Variants in SPSB4 observed in about 807,000 individuals in gnomAD.
The protein encoded by SPSB4 is SPRY domain-containing SOCS box protein 4.
A neutral mutation model predicts 20.9 loss-of-function variants in SPSB4; 21 were observed. The observed-to-expected ratio is 1.01, with a 90% CI of 0.71 to 1.45. SPSB4 has a LOEUF of 1.45. Ranked by LOEUF, SPSB4 falls within the 40% of genes most tolerant of loss-of-function variation. The pLI is 0.00. For synonymous variants in SPSB4, 207 were observed against 183.8 expected (o/e 1.13, Z -1.02); for missense variants, 399 against 399.2 (o/e 1.00, Z 0.00).
chr3:141,056,951 T>C (rs1937656947), intron 1 of SPSB4, among the ~76,000 whole-genome samples: 1 of 152,242 alleles, frequency 6.6e-6, no homozygotes, highest in Non-Finnish European at 1.5e-5. Flanking sequence ...GCTGCTCTCC[T>C]TGCTGGCTGA....
intron 2 of SPSB4, among the ~76,000 whole-genome samples, chr3:141,123,011 C>G (rs1938993695): frequency 1.3e-5 from 2 of 152,176 alleles, no homozygotes; most frequent in African/African-American, 4.8e-5. Context: ...CAGAAATCAC[C>G]CATCTTCTGC....
intron 2 of SPSB4, among the ~76,000 whole-genome samples, chr3:141,110,270 T>C (rs1938774810): frequency 6.6e-6 from 1 of 152,236 alleles, no homozygotes; most frequent in African/African-American, 2.4e-5. Context: ...CAGGTTTTTG[T>C]GGATACTCCA....
At chr3:141,113,475 G>A (rs1299207645) in intron 2 of SPSB4, among the ~76,000 whole-genome samples, 3 of 152,132 alleles carry the variant, frequency 2.0e-5, no homozygotes, top group Admixed American at 6.5e-5. Flanking sequence ...AATGACATTC[G>A]GATACATGCT....
rs565730325 is a variant in SPSB4 at position 141,143,357 on chromosome 3, G to A, written c.695-3785G>A. Reference sequence around the variant, plus strand: ...GCTTCCCCTAGGGACGGGGCTACCTGAGAGCTGGACTGCAAAGATTGGTAT... The same window carrying A: ...GCTTCCCCTAGGGACGGGGCTACCTAAGAGCTGGACTGCAAAGATTGGTAT... On this transcript the variant is annotated intron_variant, in intron 2 of 2. Coordinates refer to ENST00000310546, the MANE Select transcript of SPSB4 (RefSeq NM_080862.3). Among the ~76,000 whole-genome samples, 7 of 152,230 alleles carry A rather than the reference G, an allele frequency of 4.6e-5. No individual in the cohort carries two copies. In the South Asian group the frequency reaches 6.2e-4, roughly 13 times the overall value.
chr3:141,140,366 G>A lies in SPSB4; in HGVS notation c.695-6776G>A, dbSNP rs536580804. Among the ~76,000 whole-genome samples, 43 of 152,256 alleles carry A rather than the reference G, an allele frequency of 2.8e-4. No individual in the cohort carries two copies. The South Asian group carries it at 3.5e-3, about 12-fold the overall frequency. On this transcript the variant is annotated intron_variant, in intron 2 of 2. Coordinates refer to ENST00000310546, the MANE Select transcript of SPSB4 (RefSeq NM_080862.3). ...GTCATTCTCCATCCAGCTTTGTTCC[G>A]TTGCTGGTGAGGAGCTGCGTTCCTT...
chr3:141,126,394 G>A (rs1183490574), intron 2 of SPSB4, among the ~76,000 whole-genome samples: 1 of 152,110 alleles, frequency 6.6e-6, no homozygotes, highest in Admixed American at 6.5e-5. Flanking sequence ...GAGAGAAGAC[G>A]GAGCAGCCTG....
intron 2 of SPSB4, among the ~76,000 whole-genome samples, chr3:141,133,061 T>C (rs1184518527): frequency 1.3e-5 from 2 of 152,112 alleles, no homozygotes; most frequent in African/African-American, 4.8e-5. Context: ...TAATTAGTGA[T>C]GTTGAGCATT....
intron 2 of SPSB4, chr3:141,115,186 G>A (rs565533662): frequency 1.3e-5 from 2 of 152,310 alleles, no homozygotes; most frequent in Middle Eastern, 3.4e-3. Flanking sequence ...AGTTGGTTGA[G>A]GTATGGAAGA....
At position 141,147,057 on chromosome 3, in the gene SPSB4, C is replaced by T; in HGVS notation, c.695-85C>T. On this transcript the variant is annotated intron_variant, in intron 2 of 2. Transcript: ENST00000310546. ...CTGAAGGCCAGCTCAGAGGAGCAGGCAGGAGGCGGTATGCAGTGGGGGCTG... is the reference window on the plus strand; with the variant it reads ...CTGAAGGCCAGCTCAGAGGAGCAGGTAGGAGGCGGTATGCAGTGGGGGCTG... 3.2e-6 allele frequency: 5 copies of T among 1,570,292 alleles called. No homozygotes were observed. The East Asian group carries it at 6.8e-5, about 21-fold the overall frequency.
At chr3:141,117,004 C>G (rs896889162) in intron 2 of SPSB4, 3 of 152,244 alleles carry the variant, frequency 2.0e-5, no homozygotes, top group African/African-American at 7.2e-5. Context: ...GCATTAGATG[C>G]TGTGTCCTGA....
chr3:141,145,999 A>G (rs1352751460), intron 2 of SPSB4, among the ~76,000 whole-genome samples: 2 of 152,146 alleles, frequency 1.3e-5, no homozygotes, highest in Non-Finnish European at 2.9e-5. Context: ...CTGTACCTGT[A>G]TATTTAAGAA....
At chr3:141,086,725 C>T (rs1476404681) in intron 2 of SPSB4, among the ~76,000 whole-genome samples, 2 of 152,188 alleles carry the variant, frequency 1.3e-5, no homozygotes, top group East Asian at 1.9e-4. Context: ...ATAGGACATA[C>T]GCAATAAGTT....
chr3:141,122,234 A>G (rs1368656546), intron 2 of SPSB4, among the ~76,000 whole-genome samples: 2 of 152,282 alleles, frequency 1.3e-5, no homozygotes, highest in South Asian at 2.1e-4. Flanking sequence ...TTGCCTGGGT[A>G]TCACCAGCAG....
At chr3:141,052,878 G>A (rs1936119995) in intron 1 of SPSB4, among the ~76,000 whole-genome samples, 1 of 152,232 alleles carries the variant, frequency 6.6e-6, no homozygotes, top group Admixed American at 6.5e-5. Flanking sequence ...AGGGGACGCC[G>A]AGCCCCCGAC....
intron 2 of SPSB4, chr3:141,124,208 A>C (rs190726732): frequency 3.3e-5 from 5 of 152,346 alleles, no homozygotes; most frequent in African/African-American, 9.6e-5. Context: ...CAGAGCGGTA[A>C]GGGCTGGACA....
intron 2 of SPSB4, among the ~76,000 whole-genome samples, chr3:141,140,645 G>T (rs910195238): frequency 3.3e-5 from 5 of 152,182 alleles, no homozygotes; most frequent in African/African-American, 4.8e-5. Context: ...GCAGAACAGC[G>T]GATATTGGTG....
chr3:141,105,615 C>G (rs187747152), intron 2 of SPSB4, among the ~76,000 whole-genome samples: 1 of 152,068 alleles, frequency 6.6e-6, no homozygotes, highest in Non-Finnish European at 1.5e-5. Context: ...AGTGACTTGC[C>G]GAAGACATAC....
At chr3:141,064,406 T>G (rs1937823494) in intron 1 of SPSB4, among the ~76,000 whole-genome samples, 1 of 152,208 alleles carries the variant, frequency 6.6e-6, no homozygotes, top group Non-Finnish European at 1.5e-5. Flanking sequence ...GTGTTGCAAA[T>G]TGTTATGTGT....
At chr3:141,121,662 T>A (rs1938968662) in intron 2 of SPSB4, among the ~76,000 whole-genome samples, 1 of 152,254 alleles carries the variant, frequency 6.6e-6, no homozygotes, top group Non-Finnish European at 1.5e-5. Flanking sequence ...TTCATTCATT[T>A]GATCTTCAAT....
Sources: gnomAD v4.1 joint callset for allele counts (sites outside exome capture counted in the v4.1 genomes callset) on GRCh38, gnomAD v4.1.1 for gene constraint, MANE v1.5 for transcripts, NCBI Gene and HGNC (gene_info 2026-07-23, HGNC 2026-07-21) for gene names.